Variants in DIAPH2 observed in about 807,000 individuals in gnomAD.
The protein encoded by DIAPH2 is diaphanous related formin 2, also known as protein diaphanous homolog 2.
A neutral mutation model predicts 92.7 loss-of-function variants in DIAPH2; 35 were observed. That is an observed-to-expected ratio of 0.38 (90% CI 0.29 to 0.50). The LOEUF (loss-of-function observed/expected upper bound fraction) is 0.50, where lower values mean the gene tolerates loss of function less well. Ranked by LOEUF, DIAPH2 falls within the 20% of genes least tolerant of loss-of-function variation. The pLI, the probability that DIAPH2 is intolerant of heterozygous loss-of-function variation, is 0.94. For synonymous variants in DIAPH2, 301 were observed against 280.4 expected, an observed-to-expected ratio of 1.07 and a Z score of -0.73; for missense variants, 701 against 819.5, an observed-to-expected ratio of 0.86 and a Z score of 1.77.
At chrX:96,890,174 G>A (rs905190155) in intron 5 of DIAPH2, among the ~76,000 whole-genome samples, 1 of 112,069 alleles carries the variant, frequency 8.9e-6, no homozygotes, top group Middle Eastern at 4.7e-3. Context: ...TCTAGTTCTT[G>A]ATCACTCCTC....
intron 19 of DIAPH2, among the ~76,000 whole-genome samples, chrX:97,098,016 T>C (rs1446973456): frequency 9.0e-6 from 1 of 111,580 alleles, no homozygotes; most frequent in Non-Finnish European, 1.9e-5. Context: ...AACTTGGGTC[T>C]CATTAATTAG....
chrX:97,421,528 A>G (rs1251961274), intron 25 of DIAPH2, among the ~76,000 whole-genome samples: 1 of 111,654 alleles, frequency 9.0e-6, no homozygotes, highest in Non-Finnish European at 1.9e-5. Flanking sequence ...TTATGCTGTC[A>G]ACTTCCATTT....
chrX:97,507,672 G>T (rs1321806227), intron 26 of DIAPH2, among the ~76,000 whole-genome samples: 3 of 111,965 alleles, frequency 2.7e-5, no homozygotes, highest in Non-Finnish European at 5.6e-5. Flanking sequence ...ACAAGTTTGT[G>T]ATGTTTATAG....
intron 26 of DIAPH2, among the ~76,000 whole-genome samples, chrX:97,486,917 C>G: frequency 8.9e-6 from 1 of 112,006 alleles, no homozygotes. Context: ...AACAGCAACT[C>G]CCCACTCCTC....
chrX:96,745,719 A>G (rs2064145941), intron 3 of DIAPH2, among the ~76,000 whole-genome samples: 5 of 111,902 alleles, frequency 4.5e-5, no homozygotes, highest in Admixed American at 3.8e-4. Flanking sequence ...TAACTGAAAG[A>G]TCTGAGTAGT....
intron 22 of DIAPH2, among the ~76,000 whole-genome samples, chrX:97,177,754 C>T (rs1427080913): frequency 9.3e-6 from 1 of 107,466 alleles, no homozygotes; most frequent in Non-Finnish European, 1.9e-5. Flanking sequence ...GGCTTTTCTT[C>T]CTGGTCTATT....
chrX:96,754,617 A>T lies in DIAPH2; in HGVS notation c.343-3537A>T, dbSNP rs139618245. On this transcript the variant is annotated intron_variant, in intron 3 of 26. Transcript: ENST00000324765. Reference sequence around the variant, plus strand: ...GGGGCTGTCTGAGGACGTAGGGAGTACACTGTCAGTTGAAATAGATACATA... The same window carrying T: ...GGGGCTGTCTGAGGACGTAGGGAGTTCACTGTCAGTTGAAATAGATACATA... Among the ~76,000 whole-genome samples the T allele has an allele frequency of 5.4e-3, 599 of 111,215 alleles. 5 individuals are homozygous for T. The highest frequency in any genetic ancestry group is 7.9e-3 in the Non-Finnish European group (421 of 53,055).
At chrX:97,117,981 A>G (rs1415649282) in intron 21 of DIAPH2, among the ~76,000 whole-genome samples, 2 of 111,367 alleles carry the variant, frequency 1.8e-5, no homozygotes, top group African/African-American at 6.5e-5. Context: ...TTTCAGTACG[A>G]AATAGCATAT....
At chrX:97,477,664 A>G (rs961272113) in intron 26 of DIAPH2, among the ~76,000 whole-genome samples, 1 of 111,503 alleles carries the variant, frequency 9.0e-6, no homozygotes, top group Admixed American at 9.6e-5. Flanking sequence ...ATACATGTAT[A>G]TATATACACA....
intron 1 of DIAPH2, among the ~76,000 whole-genome samples, chrX:96,685,443 C>T (rs755112662): frequency 1.2e-4 from 13 of 112,956 alleles, no homozygotes; most frequent in Middle Eastern, 9.3e-3. Flanking sequence ...AGGAGAAAGG[C>T]CCAGCCCCAA....
Position 96,744,213 on chromosome X carries a change from A to G in DIAPH2, c.342+5451A>G, listed in dbSNP as rs752100882. ...TATTTTATGAATAACTATAGTTTTCATCTACTGTATACTTATGCCTAAGGC... is the reference window on the plus strand; with the variant it reads ...TATTTTATGAATAACTATAGTTTTCGTCTACTGTATACTTATGCCTAAGGC... On this transcript the variant is annotated intron_variant, in intron 3 of 26. Coordinates refer to ENST00000324765, the MANE Select transcript of DIAPH2 (RefSeq NM_006729.5). Among the ~76,000 whole-genome samples the G allele has an allele frequency of 9.8e-5, 11 of 112,248 alleles. No homozygotes were observed. In the East Asian group the frequency reaches 2.5e-3, roughly 26 times the overall value.
rs191229008 is a variant in DIAPH2 at position 97,241,803 on chromosome X, G to A, written c.2720-5912G>A. Reference sequence around the variant, plus strand: ...TTTTTTTTTTTTTTTTTGAGACGGAGTCTCACTCTTTTGCCAGGCTAGAGT... The same window carrying A: ...TTTTTTTTTTTTTTTTTGAGACGGAATCTCACTCTTTTGCCAGGCTAGAGT... On this transcript the variant is annotated intron_variant, in intron 22 of 26. Transcript: ENST00000324765. Among the ~76,000 whole-genome samples the A allele has an allele frequency of 9.6e-3, 793 of 82,728 alleles. 18 individuals are homozygous for A. Among genetic ancestry groups the A allele is most frequent in the African/African-American group, 0.036 (755 of 21,001 alleles). The allele number at this position is 82,728 out of a possible 115,157, so 71.8% of individuals were successfully genotyped here.
intron 22 of DIAPH2, among the ~76,000 whole-genome samples, chrX:97,229,915 G>A (rs1261380311): frequency 9.5e-6 from 1 of 105,320 alleles, no homozygotes; most frequent in Non-Finnish European, 1.9e-5. Flanking sequence ...CAATATATAA[G>A]ATTTCAGCTT....
chrX:96,849,016 T>C (rs2064990625), intron 4 of DIAPH2, among the ~76,000 whole-genome samples: 1 of 112,193 alleles, frequency 8.9e-6, no homozygotes, highest in Non-Finnish European at 1.9e-5. Context: ...TGCTGATTTT[T>C]GGCCATCAGA....
intron 17 of DIAPH2, among the ~76,000 whole-genome samples, chrX:96,978,991 G>A (rs1486244773): frequency 5.4e-5 from 6 of 111,693 alleles, no homozygotes; most frequent in Non-Finnish European, 1.1e-4. Context: ...CCTCTCAGTA[G>A]GGCAGCTCAT....
chrX:96,902,463 C>T (rs980793794), intron 5 of DIAPH2, among the ~76,000 whole-genome samples: 3 of 110,841 alleles, frequency 2.7e-5, no homozygotes, highest in African/African-American at 9.8e-5. Context: ...CTGGGAGCTC[C>T]AGTGTTAGGT....
At chrX:96,725,292 A>T (rs1490481727) in intron 1 of DIAPH2, among the ~76,000 whole-genome samples, 2 of 112,097 alleles carry the variant, frequency 1.8e-5, no homozygotes, top group Admixed American at 1.9e-4. Context: ...AAAACTATTT[A>T]AGGAACATTA....
chrX:97,034,992 A>G (rs192049857), intron 17 of DIAPH2, among the ~76,000 whole-genome samples: 6 of 112,202 alleles, frequency 5.3e-5, no homozygotes, highest in Middle Eastern at 4.6e-3. Flanking sequence ...CTTACAAAAC[A>G]TATCGGCTAG....
At chrX:96,841,552 C>CTAGACAAA (rs2064936691) in intron 4 of DIAPH2, among the ~76,000 whole-genome samples, 1 of 111,684 alleles carries the variant, frequency 9.0e-6, no homozygotes, top group African/African-American at 3.3e-5. Context: ...TAAATCTAAT[C>CTAGACAAA]ATGTGTTCCT....
Sources: allele counts gnomAD v4.1 joint callset (sites outside exome capture counted in the v4.1 genomes callset), GRCh38; gene constraint gnomAD v4.1.1; transcripts MANE v1.5; gene names NCBI Gene and HGNC (gene_info 2026-07-23, HGNC 2026-07-21).